Variants in RALGPS1 observed in about 807,000 individuals in gnomAD.
The protein encoded by RALGPS1 is Ral GEF with PH domain and SH3 binding motif 1.
In RALGPS1, 19 loss-of-function variants were observed where a neutral mutation model predicts 78.8. The ratio of observed to expected loss-of-function variants is 0.24; its 90% CI spans 0.17 to 0.35. The LOEUF (loss-of-function observed/expected upper bound fraction) is 0.35. Among genes scored for constraint, RALGPS1 ranks in the 10% least tolerant of loss-of-function variants. The pLI is 1.00. For synonymous variants in RALGPS1, 228 were observed against 256.3 expected (o/e 0.89, Z 1.06); for missense variants, 454 against 688.3 (o/e 0.66, Z 3.81).
At chr9:127,057,831 G>A (rs2048870627) in intron 7 of RALGPS1, among the ~76,000 whole-genome samples, 1 of 152,188 alleles carries the variant, frequency 6.6e-6, no homozygotes, top group Non-Finnish European at 1.5e-5. Flanking sequence ...ATAAACATGT[G>A]CCTAGTCTGG....
chr9:127,149,234 G>A (rs906453601), intron 8 of RALGPS1, among the ~76,000 whole-genome samples: 10 of 152,230 alleles, frequency 6.6e-5, no homozygotes, highest in Admixed American at 1.3e-4. Flanking sequence ...TGCAGAGTGC[G>A]GCAGGCCTCC....
intron 4 of RALGPS1, among the ~76,000 whole-genome samples, chr9:127,001,377 G>A (rs1041406490): frequency 3.3e-5 from 5 of 151,416 alleles, no homozygotes; most frequent in Non-Finnish European, 7.4e-5. Flanking sequence ...CACACTTCAT[G>A]ATTCCACCTT....
At chr9:127,104,783 G>A (rs1178052432) in intron 8 of RALGPS1, among the ~76,000 whole-genome samples, 2 of 152,232 alleles carry the variant, frequency 1.3e-5, no homozygotes, top group Admixed American at 1.3e-4. Flanking sequence ...AGGCTGCTGA[G>A]TGAAAGGTTT....
chr9:127,208,394 G>A lies in RALGPS1; in HGVS notation c.1248-3737G>A, dbSNP rs144188133. Among the ~76,000 whole-genome samples, 11 of 152,294 alleles carry A rather than the reference G, an allele frequency of 7.2e-5. No homozygotes were observed. In the East Asian group the frequency reaches 1.9e-3, roughly 27 times the overall value. ...CAGACCCCACCATGTTTATGCTGCC[G>A]CCTCTCCCTTATCCTGAAAGGCTTT... On this transcript the variant is annotated intron_variant, in intron 14 of 18. Transcript: ENST00000259351.
chr9:127,071,373 T>C (rs897847518), intron 8 of RALGPS1, among the ~76,000 whole-genome samples: 1 of 152,152 alleles, frequency 6.6e-6, no homozygotes, highest in Non-Finnish European at 1.5e-5. Flanking sequence ...GGGATACATC[T>C]TGCAATTGAT....
intron 18 of RALGPS1, chr9:127,216,922 C>T: frequency 1.9e-6 from 3 of 1,547,106 alleles, no homozygotes; most frequent in Non-Finnish European, 1.7e-6. Flanking sequence ...GGAGCAGCTC[C>T]AGGTCCAACA....
intron 8 of RALGPS1, among the ~76,000 whole-genome samples, chr9:127,110,410 T>A (rs1227455891): frequency 6.6e-6 from 1 of 152,178 alleles, no homozygotes; most frequent in Non-Finnish European, 1.5e-5. Flanking sequence ...CATATTCCTG[T>A]CCTTTCTCTA....
At position 127,052,918 on chromosome 9, in the gene RALGPS1, C is replaced by A; in HGVS notation, c.462C>A (p.Phe154Leu). 1 of 1,604,680 alleles carries A rather than the reference C, an allele frequency of 6.2e-7. No individual in the cohort carries two copies. Among genetic ancestry groups the A allele is most frequent in the Non-Finnish European group, 8.5e-7 (1 of 1,171,450 alleles). ...VVSALQSAPIFRLTKTWALLN... is the reference protein window; with the variant it reads ...VVSALQSAPILRLTKTWALLN... ...CAGCATTACAAAGTGCTCCCATCTT[C>A]AGGCTGACAAAAACCTGGGCTGTAA... The change falls in exon 7 of 19, where the codon TTC (phenylalanine) becomes TTA (leucine). Residue 154 changes from phenylalanine to leucine, a missense_variant. By Grantham distance (22) the Phe-to-Leu change is conservative. Transcript: ENST00000259351.
At chr9:127,170,195 T>C (rs1278483282) in intron 10 of RALGPS1, among the ~76,000 whole-genome samples, 1 of 152,094 alleles carries the variant, frequency 6.6e-6, no homozygotes, top group Non-Finnish European at 1.5e-5. Context: ...CACAGTTCAC[T>C]CACCAGGAAA....
chr9:127,030,653 A>G (rs1459147965), intron 4 of RALGPS1, among the ~76,000 whole-genome samples: 1 of 151,914 alleles, frequency 6.6e-6, no homozygotes, highest in Middle Eastern at 3.2e-3. Context: ...ATTGTTATTA[A>G]TATTAATGGG....
At chr9:127,054,996 T>TGATTGAGA in intron 7 of RALGPS1, among the ~76,000 whole-genome samples, 1 of 139,214 alleles carries the variant, frequency 7.2e-6, no homozygotes, top group Middle Eastern at 4.2e-3. Flanking sequence ...AGAGATTGAT[T>TGATTGAGA]GAGAGAGAGA....
At chr9:126,933,071 C>T (rs763197539) in intron 1 of RALGPS1, among the ~76,000 whole-genome samples, 1 of 151,982 alleles carries the variant, frequency 6.6e-6, no homozygotes, top group South Asian at 2.1e-4. Flanking sequence ...GGAACCCAGC[C>T]GGAGGGCTGA....
intron 13 of RALGPS1, 120 bp from the exon 14 acceptor site, chr9:127,198,895 G>C (rs1437515094): frequency 2.3e-6 from 2 of 865,694 alleles, no homozygotes; most frequent in African/African-American, 3.3e-5. Context: ...GGCTCCCAAT[G>C]TCAGGAAGCA....
Position 127,220,824 on chromosome 9 carries a change from T to C in RALGPS1, c.*2055T>C, listed in dbSNP as rs989855297. ...CCTGGTTTTTCACACCAATGAAGTA[T>C]TATAGATGCCAATCCAAAACCTCAG... On this transcript the variant is annotated 3_prime_UTR_variant, in exon 19 of 19. Transcript: ENST00000259351. The C allele has an allele frequency of 1.3e-5, 2 of 152,560 alleles. No homozygotes were observed. The highest frequency in any genetic ancestry group is 6.5e-5 in the Admixed American group (1 of 15,284). 9.5% of individuals were successfully genotyped at this position (152,560 alleles called of 1,614,324 possible).
At position 127,183,786 on chromosome 9, in the gene RALGPS1, G is replaced by GGGCC; in HGVS notation, c.910+9005_910+9008dup. 8.1e-7 allele frequency: 1 copy of GGGCC among 1,230,318 alleles called. No individual in the cohort carries two copies. Among genetic ancestry groups the GGGCC allele is most frequent in the Non-Finnish European group, 1.1e-6 (1 of 892,242 alleles). 76.2% of individuals were successfully genotyped at this position (1,230,318 alleles called of 1,614,324 possible). A position where few individuals can be genotyped will look rare whatever the true frequency, so the allele number is the denominator to read the frequency against. ...TATTTTCGGAATGGATGGGTGGGAG[G>GGGCC]GGCCCTCCATGAGGACCTCAGGGAT... On this transcript the variant is annotated intron_variant, in intron 11 of 18. Transcript: ENST00000259351. This position sits in a 1 kb window ranked among gnomAD's most constrained non-coding sequence, Gnocchi z 4.0.
intron 4 of RALGPS1, among the ~76,000 whole-genome samples, chr9:127,033,225 C>T (rs1364241505): frequency 1.3e-5 from 2 of 152,212 alleles, no homozygotes; most frequent in African/African-American, 4.8e-5. Flanking sequence ...GTGTCTCGGC[C>T]TCTGGCTGGT....
At chr9:127,199,660 C>T (rs1209871483) in intron 14 of RALGPS1, among the ~76,000 whole-genome samples, 1 of 152,020 alleles carries the variant, frequency 6.6e-6, no homozygotes, top group Non-Finnish European at 1.5e-5. Context: ...CCCCAGGCCT[C>T]CTGCTCAGGA....
At chr9:127,116,706 C>G (rs1003453762) in intron 8 of RALGPS1, among the ~76,000 whole-genome samples, 2 of 152,196 alleles carry the variant, frequency 1.3e-5, no homozygotes, top group Non-Finnish European at 2.9e-5. Context: ...GAAGTTGGCA[C>G]CAGGGCCACC....
rs534951237 is a variant in RALGPS1, at chr9:127,010,703, A to G, written c.217-23728A>G. On this transcript the variant is annotated intron_variant, in intron 4 of 18. Coordinates refer to ENST00000259351, the MANE Select transcript of RALGPS1 (RefSeq NM_014636.3). Reference sequence around the variant, plus strand: ...TGCAGGGCTGGTGGGCTGGGAGCCCACAGAGGAGTCAGGGAATGAGTGATG... The same window carrying G: ...TGCAGGGCTGGTGGGCTGGGAGCCCGCAGAGGAGTCAGGGAATGAGTGATG... 2.0e-5 allele frequency among the ~76,000 whole-genome samples: 3 copies of G among 152,344 alleles called. No individual in the cohort carries two copies. In the South Asian group the frequency reaches 6.2e-4, roughly 32 times the overall value.
Sources: allele counts gnomAD v4.1 joint callset (sites outside exome capture counted in the v4.1 genomes callset), GRCh38; gene constraint gnomAD v4.1.1; non-coding constraint Gnocchi (gnomAD v3.1); transcripts MANE v1.5; gene names NCBI Gene and HGNC (gene_info 2026-07-23, HGNC 2026-07-21).